The following CDC27 variants were observed in gnomAD, a reference collection of about 807,000 sequenced individuals.
CDC27 encodes cell division cycle 27.
Under a neutral mutation model 109.7 loss-of-function variants are expected in CDC27, and 27 were observed. That is an observed-to-expected ratio of 0.25 (90% CI 0.18 to 0.34). CDC27 has a LOEUF of 0.34. Among genes scored for constraint, CDC27 ranks in the 10% least tolerant of loss-of-function variants. CDC27 has a pLI of 1.00. For missense variants in CDC27, 579 were observed against 960.2 expected, an observed-to-expected ratio of 0.60 and a Z score of 5.25; for synonymous variants, 266 against 333.9, an observed-to-expected ratio of 0.80 and a Z score of 2.22.
At position 47,143,981 on chromosome 17, in the gene CDC27, T is replaced by A; in HGVS notation, c.1072A>T (p.Thr358Ser). 7.2e-7 allele frequency: 1 copy of A among 1,389,078 alleles called. No homozygotes were observed. The highest frequency in any genetic ancestry group is 9.5e-7 in the Non-Finnish European group (1 of 1,051,336). 86.0% of individuals were successfully genotyped at this position (1,389,078 alleles called of 1,614,324 possible). ...QTQSSGPQTS[T>S]TPQVLSPTIT... ...GTGGGGCTCAATACCTGAGGTGTTG[T>A]ACTAAAAAAAAATTATAAAGGAAGA... Residue 358 changes from threonine to serine, a missense_variant and splice_region_variant, in exon 10 of 19, where the codon ACA (threonine) becomes TCA (serine). Around this residue, in one of 9 missense-constraint regions of CDC27, gnomAD observed 51 missense variants for 43.8 expected, o/e 1.16. Transcript: ENST00000066544.
chr17:47,124,053 C>T (rs529652325), intron 16 of CDC27, 93 bp from the exon 17 acceptor site: 28 of 722,264 alleles, frequency 3.9e-5, no homozygotes, highest in Non-Finnish European at 4.7e-5. Flanking sequence ...ATCATCTTCA[C>T]AAAAGCTAAC....
intron 13 of CDC27, among the ~76,000 whole-genome samples, chr17:47,137,727 G>C (rs1421926526): frequency 6.6e-6 from 1 of 152,068 alleles, no homozygotes; most frequent in East Asian, 1.9e-4. Context: ...GGGACAGTTG[G>C]ACAGAATTTG....
rs939192276 is a variant in CDC27 at position 47,157,290 on chromosome 17, A to G, written c.570T>C (p.Asn190=). 14 of 1,613,140 alleles carry G rather than the reference A, an allele frequency of 8.7e-6. No individual in the cohort carries two copies. The highest frequency in any genetic ancestry group is 1.2e-5 in the Non-Finnish European group (14 of 1,179,492). The change falls in exon 6 of 19, where the codon AAT becomes AAC. Residue 190 remains asparagine, a synonymous_variant. Transcript: ENST00000066544. ...LPNSCTTQVP[N]HSLSHRQPET... is the part of the protein sequence containing the mutation. ...CAGGCTGTCTGTGAGATAAACTATGATTAGGTACTTGTGTTGTGCAAGAGT... is the reference window on the plus strand; with the variant it reads ...CAGGCTGTCTGTGAGATAAACTATGGTTAGGTACTTGTGTTGTGCAAGAGT...
At chr17:47,146,829 G>A (rs1208588106) in intron 9 of CDC27, among the ~76,000 whole-genome samples, 1 of 152,046 alleles carries the variant, frequency 6.6e-6, no homozygotes, top group African/African-American at 2.4e-5. Flanking sequence ...ACTCGGGTGG[G>A]TGAGGTGGGA....
At chr17:47,122,395 T>TG in intron 18 of CDC27, 49 bp downstream of exon 18, 1 of 1,306,406 alleles carries the variant, frequency 7.7e-7, no homozygotes, top group South Asian at 1.6e-5. Flanking sequence ...CAAATCCTTA[T>TG]GCAAAAGGTA....
chr17:47,164,814 A>C (rs773036216), intron 4 of CDC27, among the ~76,000 whole-genome samples: 1 of 152,158 alleles, frequency 6.6e-6, no homozygotes. Flanking sequence ...GCAAGATTCC[A>C]TTTCAAACAA....
At chr17:47,175,035 GAGAGAGGAAGGA>G (rs1183063865) in intron 2 of CDC27, among the ~76,000 whole-genome samples, 6 of 136,608 alleles carry the variant, frequency 4.4e-5, no homozygotes, top group Non-Finnish European at 9.5e-5. Context: ...GAGAAAGAGA[GAGAGAGGAAGGA>G]AGGAAGGAAG....
At chr17:47,130,487 A>C (rs1356863564) in intron 15 of CDC27, among the ~76,000 whole-genome samples, 3 of 152,272 alleles carry the variant, frequency 2.0e-5, no homozygotes, top group African/African-American at 7.2e-5. Flanking sequence ...ATAACTTAAA[A>C]TTTAAAAGAT....
chr17:47,144,857 C>T (rs983863353), intron 9 of CDC27, among the ~76,000 whole-genome samples: 3 of 127,714 alleles, frequency 2.3e-5, no homozygotes, highest in African/African-American at 8.1e-5. Context: ...TCTGTATATG[C>T]ATGTGTGTGT....
chr17:47,164,926 T>C (rs185533965), intron 4 of CDC27, among the ~76,000 whole-genome samples: 2 of 152,324 alleles, frequency 1.3e-5, no homozygotes, highest in Admixed American at 1.3e-4. Flanking sequence ...CAAATTTCTA[T>C]AACCACTACT....
chr17:47,159,849 TG>T (rs756927073), intron 4 of CDC27: 1 of 467,270 alleles, frequency 2.1e-6, no homozygotes, highest in Non-Finnish European at 4.2e-6. Context: ...TCCAGGGACT[TG>T]ATCTTCATGT....
chr17:47,133,279 C>A (rs530178092), intron 14 of CDC27, among the ~76,000 whole-genome samples: 4 of 149,222 alleles, frequency 2.7e-5, no homozygotes, highest in Non-Finnish European at 3.0e-5. Flanking sequence ...CTGGGGATTA[C>A]AGGCATGCAC....
At chr17:47,147,129 G>A (rs559575789) in intron 9 of CDC27, among the ~76,000 whole-genome samples, 147 of 152,178 alleles carry the variant, frequency 9.7e-4, no homozygotes, top group African/African-American at 2.7e-3. Flanking sequence ...AGCCGGGCGC[G>A]GTGGCTCACG....
At chr17:47,177,796 T>C (rs968556773) in intron 2 of CDC27, among the ~76,000 whole-genome samples, 5 of 152,058 alleles carry the variant, frequency 3.3e-5, no homozygotes, top group African/African-American at 7.2e-5. Flanking sequence ...ATGAAAAAAA[T>C]GCACACAAAA....
chr17:47,144,119 T>G (rs542275306), intron 9 of CDC27, 137 bp from the exon 10 acceptor site: 10 of 333,936 alleles, frequency 3.0e-5, no homozygotes, highest in African/African-American at 4.3e-5. Flanking sequence ...TGATCAGTTC[T>G]TTTCGTGGTT....
At chr17:47,122,841 T>C (rs980536868) in intron 17 of CDC27, among the ~76,000 whole-genome samples, 4 of 152,166 alleles carry the variant, frequency 2.6e-5, no homozygotes, top group African/African-American at 7.2e-5. Flanking sequence ...CCCTGGCTAA[T>C]TTTTGTATTT....
At chr17:47,174,199 G>A (rs541537679) in intron 2 of CDC27, among the ~76,000 whole-genome samples, 1 of 152,340 alleles carries the variant, frequency 6.6e-6, no homozygotes, top group Admixed American at 6.5e-5. Context: ...AAGTAACTTG[G>A]CAGCAGAAAA....
At chr17:47,126,656 A>C (rs533264191) in intron 16 of CDC27, among the ~76,000 whole-genome samples, 141 of 152,374 alleles carry the variant, frequency 9.3e-4, no homozygotes, top group African/African-American at 3.3e-3. Flanking sequence ...AATGGCTTTA[A>C]GAATAATGAA....
chr17:47,118,364 G>C lies in CDC27; in HGVS notation c.*2571C>G, dbSNP rs1453888605. 1 of 152,500 alleles carries C rather than the reference G, an allele frequency of 6.6e-6. No individual in the cohort carries two copies. Among genetic ancestry groups the C allele is most frequent in the Non-Finnish European group, 1.5e-5 (1 of 68,016 alleles). 9.4% of individuals were successfully genotyped at this position (152,500 alleles called of 1,614,324 possible). A position where few individuals can be genotyped will look rare whatever the true frequency, so the allele number is the denominator to read the frequency against. ...TGTAGGGACCACCTTTCATTCTTTT[G>C]AGTACCACTGTTCTCTTGAAAAAAT... On this transcript the variant is annotated 3_prime_UTR_variant, in exon 19 of 19. Transcript: ENST00000066544.
Sources: gnomAD v4.1 joint callset for allele counts (sites outside exome capture counted in the v4.1 genomes callset) on GRCh38, gnomAD v4.1.1 for gene constraint, gnomAD v4.1.1 regional missense constraint, MANE v1.5 for transcripts, NCBI Gene and HGNC (gene_info 2026-07-23, HGNC 2026-07-21) for gene names.